FGF14: variants seen among roughly 807,000 people sequenced by gnomAD.
FGF14 encodes the protein fibroblast growth factor 14, also known as fibroblast growth factor homologous factor 4.
In FGF14, 5 loss-of-function variants were observed where a neutral mutation model predicts 25.5. The observed-to-expected ratio is 0.20, with a 90% CI of 0.10 to 0.41. The LOEUF (loss-of-function observed/expected upper bound fraction) is 0.41. Ranked by LOEUF, FGF14 falls within the 10% of genes least tolerant of loss-of-function variation. FGF14 has a pLI of 1.00. For synonymous variants in FGF14, 138 were observed against 118.3 expected, an observed-to-expected ratio of 1.17 and a Z score of -1.08; for missense variants, 222 against 320.1, an observed-to-expected ratio of 0.69 and a Z score of 2.34.
intron 3 of FGF14, among the ~76,000 whole-genome samples, chr13:101,733,612 A>G (rs935302806): frequency 5.5e-5 from 4 of 72,794 alleles, no homozygotes; most frequent in Non-Finnish European, 1.3e-4. Context: ...AAAAAAAAAA[A>G]GAGAGAGAGG....
chr13:102,321,701 A>G (rs188910729), intron 1 of FGF14, among the ~76,000 whole-genome samples: 55 of 152,328 alleles, frequency 3.6e-4, no homozygotes, highest in African/African-American at 1.2e-3. Flanking sequence ...TGGGTAGGGC[A>G]TACCAAATAC....
chr13:102,215,197 T>C (rs2050320558), intron 1 of FGF14, among the ~76,000 whole-genome samples: 1 of 152,160 alleles, frequency 6.6e-6, no homozygotes, highest in African/African-American at 2.4e-5. Flanking sequence ...ACTCTTCTGG[T>C]CCAGCTGCAC....
At chr13:102,402,413 G>C (rs2058716929), upstream of FGF14, 1 of 152,432 alleles carries the variant, frequency 6.6e-6, no homozygotes, top group Non-Finnish European at 1.5e-5. Flanking sequence ...GCCCAGCCTC[G>C]GATGTGAGTT....
chr13:102,107,777 C>A (rs1049834239), intron 1 of FGF14, among the ~76,000 whole-genome samples: 1 of 152,160 alleles, frequency 6.6e-6, no homozygotes, highest in Non-Finnish European at 1.5e-5. Flanking sequence ...CAGATGGAAT[C>A]GCATGAGCAA....
At chr13:101,859,269 C>G (rs1402634692) in intron 3 of FGF14, among the ~76,000 whole-genome samples, 1 of 152,090 alleles carries the variant, frequency 6.6e-6, no homozygotes, top group Non-Finnish European at 1.5e-5. Flanking sequence ...ATAGCTGTCA[C>G]TACTTGAGGA....
At chr13:101,807,947 A>G (rs1250493644) in intron 3 of FGF14, among the ~76,000 whole-genome samples, 1 of 152,110 alleles carries the variant, frequency 6.6e-6, no homozygotes. Context: ...TCTGCATAAT[A>G]CTGGTAGACA....
At chr13:101,822,471 A>T (rs2042201627) in intron 3 of FGF14, among the ~76,000 whole-genome samples, 1 of 146,446 alleles carries the variant, frequency 6.8e-6, no homozygotes, top group Non-Finnish European at 1.5e-5. Context: ...TATAAATTTT[A>T]AAATCAGCTT....
At position 102,376,649 on chromosome 13, in the gene FGF14, G is replaced by A. The variant is rs139876344; in HGVS notation, c.208+24822C>T. Among the ~76,000 whole-genome samples the A allele has an allele frequency of 1.6e-3, 241 of 152,170 alleles. 2 individuals carry two copies. Among genetic ancestry groups the A allele is most frequent in the African/African-American group, 5.3e-3 (221 of 41,516 alleles). ...CCTCTCCTGGAAAAAGAAAACCCTC[G>A]CTATAATTCTGTAACATTCTAAATA... On this transcript the variant is annotated intron_variant, in intron 1 of 4. Coordinates refer to the FGF14 transcript ENST00000376131.
intron 1 of FGF14, among the ~76,000 whole-genome samples, chr13:102,092,285 C>T (rs1478126501): frequency 6.6e-6 from 1 of 152,132 alleles, no homozygotes; most frequent in Admixed American, 6.5e-5. Context: ...TGAAAATATT[C>T]ATTGTTCAGG....
At chr13:102,221,184 C>A (rs1163164263) in intron 1 of FGF14, among the ~76,000 whole-genome samples, 1 of 152,042 alleles carries the variant, frequency 6.6e-6, no homozygotes, top group Non-Finnish European at 1.5e-5. Flanking sequence ...ACAAACATAT[C>A]TATGTGATTT....
chr13:101,860,861 G>T (rs1297646554), intron 3 of FGF14, among the ~76,000 whole-genome samples: 1 of 152,008 alleles, frequency 6.6e-6, no homozygotes, highest in Non-Finnish European at 1.5e-5. Flanking sequence ...TATAAATATT[G>T]ATGTTTGTGA....
At chr13:102,188,766 C>A (rs1340794761) in intron 1 of FGF14, among the ~76,000 whole-genome samples, 1 of 151,520 alleles carries the variant, frequency 6.6e-6, no homozygotes, top group Non-Finnish European at 1.5e-5. Flanking sequence ...ATGGTGAAAC[C>A]CCCTTCTCAA....
At chr13:101,952,873 A>G (rs1242533404) in intron 1 of FGF14, among the ~76,000 whole-genome samples, 2 of 152,142 alleles carry the variant, frequency 1.3e-5, no homozygotes, top group African/African-American at 4.8e-5. Flanking sequence ...TCTACTAAAA[A>G]TACAAAAAAA....
At chr13:102,120,829 A>C (rs1474184984) in intron 1 of FGF14, among the ~76,000 whole-genome samples, 5 of 151,306 alleles carry the variant, frequency 3.3e-5, no homozygotes, top group Non-Finnish European at 5.9e-5. Context: ...TCAGCCTCCC[A>C]AGTAGCTGGG....
intron 1 of FGF14, among the ~76,000 whole-genome samples, chr13:101,997,146 T>G (rs899373635): frequency 3.3e-5 from 5 of 152,254 alleles, no homozygotes; most frequent in East Asian, 1.9e-4. Context: ...CTACTCCACA[T>G]GTGTGCATTT....
intron 1 of FGF14, among the ~76,000 whole-genome samples, chr13:101,968,274 C>G (rs1442372898): frequency 3.3e-5 from 5 of 152,016 alleles, no homozygotes; most frequent in Non-Finnish European, 7.4e-5. Flanking sequence ...ATAAGCCTGA[C>G]AAAAAGTCTA....
Position 101,790,111 on chromosome 13 carries a change from C to T in FGF14, c.409-63301G>A, listed in dbSNP as rs117370414. 1.9e-3 allele frequency among the ~76,000 whole-genome samples: 230 copies of T among 119,824 alleles called. 2 individuals carry two copies. Among genetic ancestry groups the T allele is most frequent in the Non-Finnish European group, 3.4e-3 (194 of 56,336 alleles). The allele number at this position is 119,824 out of a possible 152,430, so 78.6% of individuals were successfully genotyped here. ...TTCAGTTTGTTCCCTAGGTGAGGTTCTAATTCTAGTATTTTGGTTTTTTTT... is the reference window on the plus strand; with the variant it reads ...TTCAGTTTGTTCCCTAGGTGAGGTTTTAATTCTAGTATTTTGGTTTTTTTT... On this transcript the variant is annotated intron_variant, in intron 3 of 4. Transcript: ENST00000376143.
At chr13:102,352,052 C>A (rs777940230) in intron 1 of FGF14, among the ~76,000 whole-genome samples, 2 of 152,078 alleles carry the variant, frequency 1.3e-5, no homozygotes, top group Non-Finnish European at 2.9e-5. Flanking sequence ...GTTCTGCAAC[C>A]TAACTACAAG....
At chr13:102,245,478 G>A (rs2051819458) in intron 1 of FGF14, among the ~76,000 whole-genome samples, 2 of 152,120 alleles carry the variant, frequency 1.3e-5, no homozygotes, top group African/African-American at 4.8e-5. Context: ...GCATATAGGA[G>A]AGATTCAATA....
Sources: allele counts gnomAD v4.1 joint callset (sites outside exome capture counted in the v4.1 genomes callset), GRCh38; gene constraint gnomAD v4.1.1; transcripts MANE v1.5; gene names NCBI Gene and HGNC (gene_info 2026-07-23, HGNC 2026-07-21).